DIAPH3: variants seen among roughly 807,000 people sequenced by gnomAD.
DIAPH3 encodes the protein diaphanous related formin 3.
A neutral mutation model predicts 144.3 loss-of-function variants in DIAPH3; 117 were observed. That is an observed-to-expected ratio of 0.81 (90% confidence interval 0.70 to 0.95). DIAPH3 has a LOEUF of 0.95. DIAPH3 is among the 40% of genes least tolerant of loss of function. The pLI is 0.00. For missense variants in DIAPH3, 1,421 were observed against 1,412.7 expected (o/e 1.01, Z -0.09); for synonymous variants, 519 against 488.9 (o/e 1.06, Z -0.81).
chr13:59,872,650 T>TA (rs2044347894), intron 21 of DIAPH3, among the ~76,000 whole-genome samples: 1 of 152,252 alleles, frequency 6.6e-6, no homozygotes, highest in African/African-American at 2.4e-5. Flanking sequence ...AGACACTTCT[T>TA]AGAGTATCAG....
At chr13:59,842,319 G>A (rs897939394) in intron 22 of DIAPH3, among the ~76,000 whole-genome samples, 5 of 152,228 alleles carry the variant, frequency 3.3e-5, no homozygotes, top group African/African-American at 1.2e-4. Flanking sequence ...ATGCACACAT[G>A]TCAAATTAGC....
intron 27 of DIAPH3, among the ~76,000 whole-genome samples, chr13:59,722,672 C>G (rs925228304): frequency 6.6e-6 from 1 of 152,160 alleles, no homozygotes; most frequent in African/African-American, 2.4e-5. Context: ...TTGTAACAGG[C>G]ACTGCAAGGT....
intron 5 of DIAPH3, 21 bp downstream of exon 5, chr13:60,042,669 G>C: frequency 6.2e-7 from 1 of 1,613,144 alleles, no homozygotes; most frequent in Non-Finnish European, 8.5e-7. Flanking sequence ...TGCCCTGTTG[G>C]TGTTCAAATA....
chr13:59,868,213 C>A (rs1349075964), intron 21 of DIAPH3, among the ~76,000 whole-genome samples: 2 of 152,072 alleles, frequency 1.3e-5, no homozygotes, highest in East Asian at 3.9e-4. Flanking sequence ...CATTGTCCAG[C>A]CAAAGCTATG....
intron 27 of DIAPH3, among the ~76,000 whole-genome samples, chr13:59,746,390 ATT>A (rs34815880): frequency 6.9e-6 from 1 of 145,496 alleles, no homozygotes; most frequent in Non-Finnish European, 1.5e-5. Context: ...TACCCAGCTA[ATT>A]TTTTTTTTTT....
At chr13:59,829,718 A>G (rs1387325431) in intron 24 of DIAPH3, among the ~76,000 whole-genome samples, 1 of 151,910 alleles carries the variant, frequency 6.6e-6, no homozygotes, top group Non-Finnish European at 1.5e-5. Flanking sequence ...TAAAGGAAGA[A>G]ATGTCTGAAC....
At chr13:59,812,323 T>C (rs1036062727) in intron 24 of DIAPH3, among the ~76,000 whole-genome samples, 4 of 151,654 alleles carry the variant, frequency 2.6e-5, no homozygotes, top group Non-Finnish European at 5.9e-5. Context: ...GATCCATCCA[T>C]CCTTCCATCT....
intron 5 of DIAPH3, among the ~76,000 whole-genome samples, chr13:60,028,869 G>T (rs1275808980): frequency 6.6e-6 from 1 of 152,036 alleles, no homozygotes; most frequent in Non-Finnish European, 1.5e-5. Context: ...GACCATCCTG[G>T]CCAACATGGT....
intron 2 of DIAPH3, among the ~76,000 whole-genome samples, chr13:60,116,043 AT>A (rs926827659): frequency 2.2e-4 from 33 of 152,212 alleles, no homozygotes; most frequent in Non-Finnish European, 3.7e-4. Context: ...GTATAAAAGA[AT>A]TTTTTCAGGC....
At chr13:60,010,744 T>C (rs1193104993) in intron 7 of DIAPH3, 75 bp from the exon 8 acceptor site, 37 of 1,447,582 alleles carry the variant, frequency 2.6e-5, no homozygotes, top group Non-Finnish European at 3.3e-5. Flanking sequence ...GAAATGTAGT[T>C]ATTAAAAAAA....
chr13:59,724,054 G>A (rs767140467), intron 27 of DIAPH3, among the ~76,000 whole-genome samples: 41 of 151,814 alleles, frequency 2.7e-4, no homozygotes, highest in Non-Finnish European at 8.8e-5. Flanking sequence ...ACACTGTGAG[G>A]GGCTTTACCA....
intron 27 of DIAPH3, among the ~76,000 whole-genome samples, chr13:59,757,653 G>A (rs1036321396): frequency 6.6e-6 from 1 of 151,948 alleles, no homozygotes; most frequent in Non-Finnish European, 1.5e-5. Flanking sequence ...GCCCACCTCG[G>A]CCTCCCAAAG....
At chr13:59,751,511 G>A (rs1414633648) in intron 27 of DIAPH3, among the ~76,000 whole-genome samples, 2 of 152,156 alleles carry the variant, frequency 1.3e-5, no homozygotes, top group Admixed American at 6.5e-5. Context: ...ATTGCTACGA[G>A]TGTTATTTAC....
chr13:60,047,377 C>T (rs1011871229), intron 4 of DIAPH3, among the ~76,000 whole-genome samples: 6 of 151,628 alleles, frequency 4.0e-5, no homozygotes, highest in Admixed American at 3.3e-4. Flanking sequence ...ATAAAGGAGA[C>T]CTAAAATAGG....
At chr13:59,701,706 T>C (rs1184043139) in intron 27 of DIAPH3, among the ~76,000 whole-genome samples, 1 of 152,198 alleles carries the variant, frequency 6.6e-6, no homozygotes, top group Non-Finnish European at 1.5e-5. Context: ...CTCAAATGAA[T>C]GGGGAAATCT....
rs143289506 is a variant in DIAPH3, at chr13:59,797,198, G to C, written c.3163+13590C>G. Among the ~76,000 whole-genome samples the C allele has an allele frequency of 1.2e-4, 18 of 151,654 alleles. No homozygotes were observed. The East Asian group carries it at 3.5e-3, about 29-fold the overall frequency. On this transcript the variant is annotated intron_variant, in intron 25 of 27. Coordinates refer to ENST00000400324, the MANE Select transcript of DIAPH3 (RefSeq NM_001042517.2). ...TATCCCCCCATCCCTACTTTATTTTGTTCTCCTTATAAGTTGTGGACTTCT... is the reference window on the plus strand; with the variant it reads ...TATCCCCCCATCCCTACTTTATTTTCTTCTCCTTATAAGTTGTGGACTTCT...
intron 17 of DIAPH3, among the ~76,000 whole-genome samples, chr13:59,960,869 G>GA (rs539133309): frequency 1.5e-4 from 22 of 147,294 alleles, no homozygotes; most frequent in Admixed American, 2.7e-4. Flanking sequence ...AAAAGTCATG[G>GA]AAAAAAAAAA....
At chr13:59,810,039 T>C (rs1022096563) in intron 25 of DIAPH3, among the ~76,000 whole-genome samples, 2 of 152,184 alleles carry the variant, frequency 1.3e-5, no homozygotes, top group East Asian at 3.8e-4. Flanking sequence ...AATACATATA[T>C]ACATATGTTT....
intron 27 of DIAPH3, among the ~76,000 whole-genome samples, chr13:59,667,368 AG>A (rs1384038536): frequency 6.6e-6 from 1 of 152,242 alleles, no homozygotes; most frequent in Non-Finnish European, 1.5e-5. Context: ...CTGTAACTTC[AG>A]GGCCTAAAAT....
Sources: gnomAD v4.1 joint callset for allele counts (sites outside exome capture counted in the v4.1 genomes callset) on GRCh38, gnomAD v4.1.1 for gene constraint, MANE v1.5 for transcripts, NCBI Gene and HGNC (gene_info 2026-07-23, HGNC 2026-07-21) for gene names.